RPRD2: variants seen among roughly 807,000 people sequenced by gnomAD.
RPRD2 encodes the protein regulation of nuclear pre-mRNA domain containing 2, also known as regulation of nuclear pre-mRNA domain-containing protein 2.
Under a neutral mutation model 104.4 loss-of-function variants are expected in RPRD2, and 12 were observed. The observed-to-expected ratio is 0.11, with a 90% CI of 0.07 to 0.19. The LOEUF (loss-of-function observed/expected upper bound fraction) is 0.19. RPRD2 is among the 10% of genes least tolerant of loss of function. The probability of loss-of-function intolerance (pLI) is 1.00; values close to 1 mark genes in which losing one functional copy is unlikely to be tolerated. For missense variants in RPRD2, 1,543 were observed against 1,790.1 expected (o/e 0.86, Z 2.49); for synonymous variants, 714 against 684.9 (o/e 1.04, Z -0.66).
At chr1:150,452,977 C>T (rs1159573273) in intron 7 of RPRD2, among the ~76,000 whole-genome samples, 2 of 150,900 alleles carry the variant, frequency 1.3e-5, no homozygotes, top group Non-Finnish European at 3.0e-5. Context: ...CTTTTTTACA[C>T]TACTAATTAC....
rs143771029 is a variant in RPRD2, at chr1:150,416,804, G to A, written c.206-792G>A. On this transcript the variant is annotated intron_variant, in intron 1 of 10. Coordinates refer to ENST00000369068, the MANE Select transcript of RPRD2 (RefSeq NM_015203.5). ...GGAGAATTGCTTGAGCCCAGGAGGC[G>A]GAGGTTGCAGTGAGCTGAGATTGCG... Among the ~76,000 whole-genome samples the A allele has an allele frequency of 9.3e-3, 1,399 of 151,030 alleles. 14 individuals are homozygous for A. The highest frequency in any genetic ancestry group is 0.013 in the Non-Finnish European group (898 of 67,756).
At chr1:150,460,398 G>T in intron 9 of RPRD2, 81 bp downstream of exon 9, 1 of 972,306 alleles carries the variant, frequency 1.0e-6, no homozygotes, top group East Asian at 3.1e-5. Context: ...TGGGGGGGTT[G>T]TTGTTGTTGT....
Position 150,473,099 on chromosome 1 carries a change from G to A in RPRD2, c.4151G>A (p.Gly1384Glu), listed in dbSNP as rs376890502. 1.9e-4 allele frequency: 301 copies of A among 1,613,990 alleles called. No homozygotes were observed. The highest frequency in any genetic ancestry group is 2.3e-4 in the Non-Finnish European group (275 of 1,179,870). Residue 1384 changes from glycine (G) to glutamate (E), a missense_variant, in exon 11 of 11, where the codon GGA (glycine) becomes GAA (glutamate). Gly to Glu is a moderately conservative substitution (Grantham distance 98). This residue lies in a region of RPRD2 where 880 missense variants were observed against 885.6 expected (regional missense o/e 0.99). Transcript: ENST00000369068. The part of the protein sequence containing the change: ...HSLEHLGPPH[G>E]GGGGGGSNSS... ...CTGGAACACCTGGGCCCACCCCATG[G>A]AGGAGGAGGTGGGGGAGGCAGCAAC...
At chr1:150,411,977 G>A (rs1663967410) in intron 1 of RPRD2, among the ~76,000 whole-genome samples, 1 of 151,894 alleles carries the variant, frequency 6.6e-6, no homozygotes, top group South Asian at 2.1e-4. Context: ...ACAAAAATTA[G>A]CCGGGCATGG....
In RPRD2 at chr1:150,471,907, C is replaced by T. The variant is rs775233696; in HGVS notation, c.2959C>T (p.His987Tyr). 4 of 1,613,892 alleles carry T rather than the reference C, an allele frequency of 2.5e-6. No homozygotes were observed. The change falls in exon 11 of 11, where the codon CAC becomes TAC. Residue 987 changes from histidine (H) to tyrosine (Y), a missense_variant. Physicochemically the swap from His to Tyr is moderately conservative, Grantham distance 83. Coordinates refer to ENST00000369068, the MANE Select transcript of RPRD2 (RefSeq NM_015203.5). This position sits in a 1 kb window ranked among gnomAD's most constrained non-coding sequence, Gnocchi z 5.3. ...GAACACCCTTGCCGCTCCCACGGGTCACCCACCCACGTCAGGCGTGGAGAA... is the reference window on the plus strand; with the variant it reads ...GAACACCCTTGCCGCTCCCACGGGTTACCCACCCACGTCAGGCGTGGAGAA... ...PQNTLAAPTG[H>Y]PPTSGVEKVL...
intron 1 of RPRD2, among the ~76,000 whole-genome samples, chr1:150,390,445 G>A (rs1661978124): frequency 6.6e-6 from 1 of 152,156 alleles, no homozygotes; most frequent in Admixed American, 6.5e-5. Flanking sequence ...GTTGCAGTGA[G>A]CCGAGATCAC....
At position 150,370,778 on chromosome 1, in the gene RPRD2, G is replaced by T. The variant is rs191455079; in HGVS notation, c.205+5859G>T. Among the ~76,000 whole-genome samples, 472 of 152,016 alleles carry T rather than the reference G, an allele frequency of 3.1e-3. 3 individuals are homozygous for T. Among genetic ancestry groups the T allele is most frequent in the South Asian group, 6.0e-3 (29 of 4,814 alleles). On this transcript the variant is annotated intron_variant, in intron 1 of 10. Transcript: ENST00000369068. ...TTTTGTAGAGATGGGGTTTTGCCAT[G>T]TTTGCCAGTCTGGTCTCAACCTCCT...
chr1:150,395,944 T>C (rs1553884130), intron 1 of RPRD2, among the ~76,000 whole-genome samples: 8 of 152,240 alleles, frequency 5.3e-5, no homozygotes. Context: ...GTTGTACTAG[T>C]TTACATTCCC....
intron 2 of RPRD2, among the ~76,000 whole-genome samples, chr1:150,435,969 A>G (rs1302633911): frequency 1.3e-5 from 2 of 152,174 alleles, no homozygotes; most frequent in Admixed American, 1.3e-4. Context: ...GCCACTGTTC[A>G]TATACAATTC....
intron 10 of RPRD2, among the ~76,000 whole-genome samples, chr1:150,468,282 G>A (rs1668404377): frequency 6.6e-6 from 1 of 151,820 alleles, no homozygotes; most frequent in Non-Finnish European, 1.5e-5. Context: ...TTGAGGCCAG[G>A]AGTTTGAGAC....
chr1:150,439,910 A>C (rs587721977), intron 2 of RPRD2, among the ~76,000 whole-genome samples: 1 of 152,088 alleles, frequency 6.6e-6, no homozygotes, highest in South Asian at 2.1e-4. Flanking sequence ...CATAATTAAA[A>C]TCTTTACTTA....
intron 2 of RPRD2, among the ~76,000 whole-genome samples, chr1:150,422,408 T>A (rs1664835318): frequency 7.6e-6 from 1 of 131,786 alleles, no homozygotes; most frequent in Admixed American, 7.6e-5. Context: ...TTATTCACAA[T>A]ACTACTATAC....
chr1:150,411,788 CAAAAAAAA>C (rs71086508), intron 1 of RPRD2, among the ~76,000 whole-genome samples: 9 of 70,728 alleles, frequency 1.3e-4, no homozygotes, highest in African/African-American at 2.7e-4. Flanking sequence ...TAGACTGTCT[CAAAAAAAA>C]AAAAAAAAAA....
chr1:150,458,932 C>T (rs1484960593), intron 8 of RPRD2, among the ~76,000 whole-genome samples: 3 of 152,178 alleles, frequency 2.0e-5, no homozygotes, highest in African/African-American at 7.2e-5. Context: ...CTTGAGCCAC[C>T]ATGCCCGGCC....
chr1:150,438,506 A>G (rs1304192453), intron 2 of RPRD2, among the ~76,000 whole-genome samples: 1 of 151,488 alleles, frequency 6.6e-6, no homozygotes, highest in African/African-American at 2.4e-5. Context: ...GCAGGCGCCT[A>G]TAATCCCAGC....
At position 150,457,699 on chromosome 1, in the gene RPRD2, T is replaced by C. The variant is rs910013448; in HGVS notation, c.1153+129T>C. 3.7e-6 allele frequency: 3 copies of C among 805,936 alleles called. No individual in the cohort carries two copies. In the African/African-American group the frequency reaches 5.1e-5, roughly 14 times the overall value. The allele number at this position is 805,936 out of a possible 1,614,324, so 49.9% of individuals were successfully genotyped here. A position where few individuals can be genotyped will look rare whatever the true frequency, so the allele number is the denominator to read the frequency against. On this transcript the variant is annotated intron_variant, in intron 8 of 10. Coordinates refer to ENST00000369068, the MANE Select transcript of RPRD2 (RefSeq NM_015203.5). ...AAGATAGAACACCAAGGTAGCATTA[T>C]AATCTCTAGAGCAGTTGTTGAGGAT...
intron 2 of RPRD2, among the ~76,000 whole-genome samples, chr1:150,427,079 A>G (rs1338375634): frequency 7.9e-5 from 12 of 152,148 alleles, no homozygotes; most frequent in Admixed American, 3.3e-4. Context: ...CGGGAAGTGG[A>G]GGTTACAGTG....
In RPRD2 at chr1:150,417,685, T is replaced by A. The variant is rs781985100; in HGVS notation, c.295T>A (p.Ser99Thr). 4 of 1,608,564 alleles carry A rather than the reference T, an allele frequency of 2.5e-6. No homozygotes were observed. The South Asian group carries it at 4.4e-5, about 18-fold the overall frequency. ...GAAAAATGCAATCATATTCCGTGAA[T>A]CATTTGCTGATGTACTTCCTGAAGC... ...KRKNAIIFRE[S>T]FADVLPEAAA... The change falls in exon 2 of 11, where the codon TCA (serine) becomes ACA (threonine). Residue 99 changes from serine (S) to threonine (T), a missense_variant. By Grantham distance (58) the Ser-to-Thr change is moderately conservative. Around this residue, in one of 4 missense-constraint regions of RPRD2, gnomAD observed 572 missense variants for 787.3 expected, o/e 0.73. Coordinates refer to ENST00000369068, the MANE Select transcript of RPRD2 (RefSeq NM_015203.5).
intron 1 of RPRD2, among the ~76,000 whole-genome samples, chr1:150,384,189 T>G (rs1553881319): frequency 3.9e-5 from 6 of 152,088 alleles, no homozygotes; most frequent in Non-Finnish European, 8.8e-5. Flanking sequence ...TCCTGGAACG[T>G]GCTTGGGGAA....
Sources: allele counts gnomAD v4.1 joint callset (sites outside exome capture counted in the v4.1 genomes callset), GRCh38; gene constraint gnomAD v4.1.1; regional missense constraint gnomAD v4.1.1; non-coding constraint Gnocchi (gnomAD v3.1); transcripts MANE v1.5; gene names NCBI Gene and HGNC (gene_info 2026-07-23, HGNC 2026-07-21).